The following ANKS1B variants were observed in gnomAD, a reference collection of about 807,000 sequenced individuals.
ANKS1B encodes the protein ankyrin repeat and sterile alpha motif domain-containing protein 1B.
ANKS1B carries 36 observed loss-of-function variants against 148.3 expected under a neutral mutation model. The observed-to-expected ratio is 0.24, with a 90% CI of 0.19 to 0.32. The LOEUF is 0.32. Among genes scored for constraint, ANKS1B ranks in the 10% least tolerant of loss-of-function variants. The pLI is 1.00. For synonymous variants in ANKS1B, 542 were observed against 560.8 expected (o/e 0.97, Z 0.47); for missense variants, 1,157 against 1,542.6 (o/e 0.75, Z 4.19).
At chr12:99,877,101 C>T (rs2092149266) in intron 1 of ANKS1B, among the ~76,000 whole-genome samples, 1 of 152,072 alleles carries the variant, frequency 6.6e-6, no homozygotes, top group African/African-American at 2.4e-5. Context: ...CACCCCCCCA[C>T]CCCAGTCCCC....
intron 10 of ANKS1B, among the ~76,000 whole-genome samples, chr12:99,449,909 ATCTATC>A (rs2095701071): frequency 7.8e-6 from 1 of 127,800 alleles, no homozygotes; most frequent in African/African-American, 3.1e-5. Context: ...CTATCTATCT[ATCTATC>A]TATCTATCTA....
chr12:99,164,288 T>C (rs923775099), intron 14 of ANKS1B, among the ~76,000 whole-genome samples: 1 of 152,150 alleles, frequency 6.6e-6, no homozygotes, highest in African/African-American at 2.4e-5. Flanking sequence ...AGCTGTAATA[T>C]TTTAATCTGA....
chr12:99,059,636 A>T (rs2041654401), intron 16 of ANKS1B, among the ~76,000 whole-genome samples: 1 of 152,014 alleles, frequency 6.6e-6, no homozygotes, highest in Admixed American at 6.6e-5. Flanking sequence ...CAGTGGTGTC[A>T]GCTATAAAAT....
intron 9 of ANKS1B, among the ~76,000 whole-genome samples, chr12:99,621,709 T>C (rs1418130681): frequency 1.3e-5 from 2 of 152,062 alleles, no homozygotes; most frequent in East Asian, 1.9e-4. Flanking sequence ...GACTTAACTA[T>C]CCTAGATATA....
chr12:99,877,576 C>T (rs538240524), intron 1 of ANKS1B, among the ~76,000 whole-genome samples: 1 of 152,216 alleles, frequency 6.6e-6, no homozygotes, highest in Admixed American at 6.5e-5. Context: ...TATTTTCATA[C>T]ATTTGTCAGT....
chr12:99,498,964 T>TGA (rs2096630152), intron 10 of ANKS1B, among the ~76,000 whole-genome samples: 1 of 152,160 alleles, frequency 6.6e-6, no homozygotes, highest in Non-Finnish European at 1.5e-5. Context: ...TCATAGCAGT[T>TGA]GAGAGACTTG....
At chr12:99,397,527 T>C (rs1458044077) in intron 12 of ANKS1B, among the ~76,000 whole-genome samples, 2 of 152,048 alleles carry the variant, frequency 1.3e-5, no homozygotes, top group Non-Finnish European at 2.9e-5. Flanking sequence ...GAAAACGGGA[T>C]GATTTGATAG....
intron 17 of ANKS1B, among the ~76,000 whole-genome samples, chr12:99,046,713 G>A (rs2099962630): frequency 6.6e-6 from 1 of 151,514 alleles, no homozygotes; most frequent in African/African-American, 2.4e-5. Flanking sequence ...GCAGAAGAAT[G>A]GTGTGAACCC....
At position 99,948,577 on chromosome 12, in the gene ANKS1B, A is replaced by C. The variant is rs138457715; in HGVS notation, c.134+35527T>G. Among the ~76,000 whole-genome samples the C allele has an allele frequency of 2.8e-3, 430 of 152,308 alleles. 3 individuals are homozygous for C. The highest frequency in any genetic ancestry group is 9.8e-3 in the African/African-American group (408 of 41,572). ...TTGCACATATTGGGAATTCAATTAA[A>C]CACTGCTGACCATCTGATTGAGAAT... On this transcript the variant is annotated intron_variant, in intron 1 of 26. Coordinates refer to ENST00000683438, the MANE Select transcript of ANKS1B (RefSeq NM_001352186.2).
At chr12:98,795,577 G>GT (rs1324199846) in intron 22 of ANKS1B, 1 of 437,078 alleles carries the variant, frequency 2.3e-6, no homozygotes, top group African/African-American at 2.1e-5. Flanking sequence ...TTATTATGTG[G>GT]TTTTCTTTTA....
chr12:99,955,540 G>A (rs1158085028), intron 1 of ANKS1B, among the ~76,000 whole-genome samples: 7 of 123,494 alleles, frequency 5.7e-5, no homozygotes, highest in African/African-American at 1.8e-4. Flanking sequence ...GCCTTCTCCT[G>A]TCTAACTTTG....
At chr12:99,948,974 A>G (rs1265726673) in intron 1 of ANKS1B, among the ~76,000 whole-genome samples, 1 of 152,208 alleles carries the variant, frequency 6.6e-6, no homozygotes, top group Non-Finnish European at 1.5e-5. Flanking sequence ...AGAAGCACAC[A>G]AATGACTATA....
chr12:99,181,014 T>A (rs1397778015), intron 14 of ANKS1B, among the ~76,000 whole-genome samples: 1 of 152,206 alleles, frequency 6.6e-6, no homozygotes, highest in African/African-American at 2.4e-5. Flanking sequence ...TTTACATCCA[T>A]TAGAGTATAC....
intron 12 of ANKS1B, among the ~76,000 whole-genome samples, chr12:99,378,089 C>A (rs1386598334): frequency 6.6e-6 from 1 of 152,158 alleles, no homozygotes; most frequent in East Asian, 1.9e-4. Context: ...TCAAAAAGAT[C>A]TAAGGCTATA....
intron 14 of ANKS1B, among the ~76,000 whole-genome samples, chr12:99,159,207 A>C (rs2076385605): frequency 6.6e-6 from 1 of 152,034 alleles, no homozygotes. Flanking sequence ...TTCCCCCAAG[A>C]GGTTGACTTA....
intron 12 of ANKS1B, among the ~76,000 whole-genome samples, chr12:99,327,768 G>C (rs1055496221): frequency 2.0e-5 from 3 of 150,994 alleles, no homozygotes; most frequent in Non-Finnish European, 4.4e-5. Flanking sequence ...TCTTTTCATG[G>C]AAGATAATTT....
At chr12:99,330,831 G>A (rs2087386209) in intron 12 of ANKS1B, among the ~76,000 whole-genome samples, 1 of 151,782 alleles carries the variant, frequency 6.6e-6, no homozygotes, top group Admixed American at 6.6e-5. Context: ...AGAAAAATTG[G>A]GTCAATTTTT....
intron 10 of ANKS1B, among the ~76,000 whole-genome samples, chr12:99,471,451 T>C (rs1273312721): frequency 6.6e-6 from 1 of 152,056 alleles, no homozygotes; most frequent in Non-Finnish European, 1.5e-5. Context: ...TTTGTGTACA[T>C]CTTAAGGGAC....
At chr12:99,855,611 T>C (rs1384545521) in intron 1 of ANKS1B, among the ~76,000 whole-genome samples, 2 of 152,188 alleles carry the variant, frequency 1.3e-5, no homozygotes, top group African/African-American at 2.4e-5. Flanking sequence ...AAAATATACA[T>C]TCTATTCATC....
Sources: allele counts gnomAD v4.1 joint callset (sites outside exome capture counted in the v4.1 genomes callset), GRCh38; gene constraint gnomAD v4.1.1; transcripts MANE v1.5; gene names NCBI Gene and HGNC (gene_info 2026-07-23, HGNC 2026-07-21).